STK32C: variants seen among roughly 807,000 people sequenced by gnomAD.
The protein encoded by STK32C is serine/threonine-protein kinase 32C.
A neutral mutation model predicts 56.5 loss-of-function variants in STK32C; 31 were observed. The observed-to-expected ratio is 0.55, with a 90% CI of 0.41 to 0.74. STK32C has a LOEUF of 0.74. Among genes scored for constraint, STK32C ranks in the 30% least tolerant of loss-of-function variants. The pLI, the probability that STK32C is intolerant of heterozygous loss-of-function variation, is 0.00. For missense variants in STK32C, 544 were observed against 676.9 expected (o/e 0.80, Z 2.18); for synonymous variants, 309 against 289.4 (o/e 1.07, Z -0.69).
exon 1 of STK32C, chr10:132,331,830 G>A (rs1476707348): frequency 2.6e-6 from 4 of 1,534,918 alleles, no homozygotes; most frequent in East Asian, 4.6e-5. Context: ...CTTCAAGGCC[G>A]CGGGCGCGGA....
chr10:132,223,908 A>G (rs1410546329), intron 8 of STK32C, among the ~76,000 whole-genome samples: 4 of 152,158 alleles, frequency 2.6e-5, no homozygotes, highest in Non-Finnish European at 5.9e-5. Context: ...GGCACTACTG[A>G]TGGCCACACC....
intron 1 of STK32C, among the ~76,000 whole-genome samples, chr10:132,283,674 G>A (rs984172858): frequency 6.6e-6 from 1 of 152,192 alleles, no homozygotes; most frequent in Non-Finnish European, 1.5e-5. Flanking sequence ...GAAGAGAGGA[G>A]GAGGGAGAGG....
intron 1 of STK32C, among the ~76,000 whole-genome samples, chr10:132,293,812 G>A (rs547529463): frequency 6.6e-6 from 1 of 152,192 alleles, no homozygotes; most frequent in South Asian, 2.1e-4. Flanking sequence ...TGGGGGTGGG[G>A]ACAGCCCCGA....
intron 1 of STK32C, among the ~76,000 whole-genome samples, chr10:132,247,787 G>C (rs1423002498): frequency 6.6e-6 from 1 of 152,082 alleles, no homozygotes; most frequent in Non-Finnish European, 1.5e-5. Flanking sequence ...AGAGCGGTTT[G>C]ATTTAAGCGC....
intron 1 of STK32C, among the ~76,000 whole-genome samples, chr10:132,326,012 C>G (rs570215591): frequency 6.6e-6 from 1 of 152,138 alleles, no homozygotes; most frequent in South Asian, 2.1e-4. Flanking sequence ...TGAGCCACCA[C>G]GCTGGCCGGT....
chr10:132,291,174 G>C (rs1321353315), intron 1 of STK32C, among the ~76,000 whole-genome samples: 1 of 152,202 alleles, frequency 6.6e-6, no homozygotes, highest in African/African-American at 2.4e-5. Flanking sequence ...AATTAGCTCG[G>C]CGGTGGCTGA....
In STK32C at chr10:132,255,553, C is replaced by G. The variant is rs752883567; in HGVS notation, c.263-9598G>C. ...CGCTGGGCAGGGGTGAGGAGGCTCC[C>G]GAGTTACAGCGGAGAACATAGAGCA... On this transcript the variant is annotated intron_variant, in intron 1 of 11. Coordinates refer to ENST00000298630, the MANE Select transcript of STK32C (RefSeq NM_173575.4). The surrounding 1 kb of genome is among the most constrained non-coding windows in gnomAD (Gnocchi z 4.6). 2.0e-5 allele frequency among the ~76,000 whole-genome samples: 3 copies of G among 152,202 alleles called. No individual in the cohort carries two copies. The highest frequency in any genetic ancestry group is 1.3e-4 in the Admixed American group (2 of 15,286).
upstream of STK32C, chr10:132,307,954 C>T: frequency 9.9e-7 from 1 of 1,013,418 alleles, no homozygotes; most frequent in Non-Finnish European, 1.2e-6. This position sits in a 1 kb window ranked among gnomAD's most constrained non-coding sequence, Gnocchi z 4.4. Flanking sequence ...CTCTTCTGGG[C>T]GGTGGAACCC....
chr10:132,291,167 T>C (rs1590409236), intron 1 of STK32C, among the ~76,000 whole-genome samples: 1 of 152,246 alleles, frequency 6.6e-6, no homozygotes, highest in East Asian at 1.9e-4. Flanking sequence ...ACCTTCCAAT[T>C]AGCTCGGCGG....
chr10:132,279,189 T>C (rs2065078484), intron 1 of STK32C, among the ~76,000 whole-genome samples: 1 of 152,104 alleles, frequency 6.6e-6, no homozygotes, highest in African/African-American at 2.4e-5. Flanking sequence ...CAAAAATTCA[T>C]CAAGACCGAT....
chr10:132,279,940 G>A (rs2065109835), intron 1 of STK32C, among the ~76,000 whole-genome samples: 4 of 121,662 alleles, frequency 3.3e-5, no homozygotes, highest in Middle Eastern at 6.6e-3. Flanking sequence ...CCTCCACACC[G>A]TGACCACGCC....
intron 2 of STK32C, among the ~76,000 whole-genome samples, chr10:132,238,223 C>T (rs1196707990): frequency 1.3e-5 from 2 of 152,176 alleles, no homozygotes; most frequent in African/African-American, 4.8e-5. Flanking sequence ...GAGGCCCCCA[C>T]GGGAAGCTAC....
At chr10:132,283,459 C>G (rs1054388208) in intron 1 of STK32C, among the ~76,000 whole-genome samples, 12 of 152,372 alleles carry the variant, frequency 7.9e-5, no homozygotes, top group East Asian at 1.9e-4. Context: ...GATGCACTCA[C>G]TGGGAGGAGG....
chr10:132,228,768 C>T (rs2062988780), intron 2 of STK32C, among the ~76,000 whole-genome samples: 1 of 152,246 alleles, frequency 6.6e-6, no homozygotes, highest in Admixed American at 6.5e-5. Flanking sequence ...TGCAGCTTCA[C>T]CCTGGACGCA....
At chr10:132,277,553 A>T (rs2065028472) in intron 1 of STK32C, among the ~76,000 whole-genome samples, 1 of 152,164 alleles carries the variant, frequency 6.6e-6, no homozygotes, top group Admixed American at 6.5e-5. Context: ...TCAGTGGCCA[A>T]TCACCTGCCT....
intron 2 of STK32C, among the ~76,000 whole-genome samples, chr10:132,233,554 T>C (rs958302294): frequency 6.6e-6 from 1 of 151,994 alleles, no homozygotes; most frequent in African/African-American, 2.4e-5. Flanking sequence ...CAAGAAGAGG[T>C]GGACCCTGGC....
Position 132,225,631 on chromosome 10 carries a change from G to C in STK32C, c.683-15C>G. On this transcript the variant is annotated splice_polypyrimidine_tract_variant and intron_variant, in intron 5 of 11. Transcript: ENST00000298630. ...GTGTGCATGTCCTGTGCAGAGAGGG[G>C]TCAGGTGTGGCTGTCCCAGGACCAG... 3 of 1,609,228 alleles carry C rather than the reference G, an allele frequency of 1.9e-6. No individual in the cohort carries two copies. The highest frequency in any genetic ancestry group is 2.6e-6 in the Non-Finnish European group (3 of 1,176,442).
rs142829975 is a variant in STK32C at position 132,307,627 on chromosome 10, G to A, written c.207C>T (p.Gly69=). ...FQWSKWKKRM[G]SSMSAATARR... ...GCGCGGTGGCCGCCGACATGGACGA[G>A]CCCATCCTCTTCTTCCACTTGCTCC... Residue 69 remains glycine, a synonymous_variant, in exon 1 of 12, where the codon GGC becomes GGT. Transcript: ENST00000298630. This position sits in a 1 kb window ranked among gnomAD's most constrained non-coding sequence, Gnocchi z 4.4. The A allele has an allele frequency of 9.4e-5, 147 of 1,557,308 alleles. 1 individual carries two copies. The African/African-American group carries it at 1.9e-3, about 20-fold the overall frequency.
chr10:132,207,995 C>T lies in STK32C; in HGVS notation c.*15G>A, dbSNP rs766086658. Reference sequence around the variant, plus strand: ...CCAAAGCAGCTCAAGGGGTGAGGACCACGGGCGTCCCGGCCTAGCCGCTCC... The same window carrying T: ...CCAAAGCAGCTCAAGGGGTGAGGACTACGGGCGTCCCGGCCTAGCCGCTCC... On this transcript the variant is annotated 3_prime_UTR_variant, in exon 12 of 12. Transcript: ENST00000298630. 1.0e-4 allele frequency: 133 copies of T among 1,301,846 alleles called. 1 individual carries two copies. The highest frequency in any genetic ancestry group is 5.7e-4 in the Middle Eastern group (2 of 3,494). The allele number at this position is 1,301,846 out of a possible 1,614,324, so 80.6% of individuals were successfully genotyped here. A position where few individuals can be genotyped will look rare whatever the true frequency, so the allele number is the denominator to read the frequency against.
Sources: gnomAD v4.1 joint callset for allele counts (sites outside exome capture counted in the v4.1 genomes callset) on GRCh38, gnomAD v4.1.1 for gene constraint, Gnocchi (gnomAD v3.1) non-coding constraint, MANE v1.5 for transcripts, NCBI Gene and HGNC (gene_info 2026-07-23, HGNC 2026-07-21) for gene names.